AQP7B: variants seen among roughly 807,000 people sequenced by gnomAD.
AQP7B encodes putative aquaporin-7B.
the AQP7B span, among the ~76,000 whole-genome samples, chr2:94,599,321 TC>T: frequency 6.6e-6 from 1 of 152,004 alleles, no homozygotes; most frequent in African/African-American, 2.4e-5. Flanking sequence ...AGCTCTGGGC[TC>T]CCCTGCTTCT....
the AQP7B span, among the ~76,000 whole-genome samples, chr2:94,595,124 G>A: frequency 6.6e-6 from 1 of 152,014 alleles, no homozygotes; most frequent in Admixed American, 6.6e-5. Flanking sequence ...ATGGGGAGAA[G>A]GGAAACCCAG....
At chr2:94,604,594 C>G in the AQP7B span, 1 of 1,540,130 alleles carries the variant, frequency 6.5e-7, no homozygotes, top group Non-Finnish European at 8.8e-7. Context: ...TTTGTGATCC[C>G]ATCCCTTCCC....
chr2:94,591,088 G>T, the AQP7B span, among the ~76,000 whole-genome samples: 8 of 151,726 alleles, frequency 5.3e-5, no homozygotes, highest in Non-Finnish European at 8.8e-5. Flanking sequence ...TGGCTTTCTT[G>T]GGCCCCTCTT....
the AQP7B span, among the ~76,000 whole-genome samples, chr2:94,600,219 G>A: frequency 2.6e-5 from 4 of 152,056 alleles, no homozygotes; most frequent in South Asian, 2.1e-4. Flanking sequence ...CTCCTCTGAC[G>A]GCTTTGACTT....
the AQP7B span, among the ~76,000 whole-genome samples, chr2:94,592,572 C>T: frequency 1.3e-5 from 2 of 152,010 alleles, no homozygotes; most frequent in Non-Finnish European, 2.9e-5. Flanking sequence ...CAAGCAGCAG[C>T]CCAAAGACAG....
chr2:94,596,232 G>T, the AQP7B span, among the ~76,000 whole-genome samples: 4 of 152,248 alleles, frequency 2.6e-5, no homozygotes, highest in Non-Finnish European at 5.9e-5. Flanking sequence ...GTGTGTGATT[G>T]GGACAGTATC....
chr2:94,602,018 A>AGTGTGTGTGT, the AQP7B span, among the ~76,000 whole-genome samples: 991 of 139,928 alleles, frequency 7.1e-3, 9 homozygotes, highest in African/African-American at 0.014. Context: ...ATTGCGGCGG[A>AGTGTGTGTGT]GTGTGTGTGT....
chr2:94,604,334 G>C, the AQP7B span: 1 of 1,610,658 alleles, frequency 6.2e-7, no homozygotes, highest in Non-Finnish European at 8.5e-7. Flanking sequence ...ACCACTTCTG[G>C]GTGCCTCTCT....
the AQP7B span, among the ~76,000 whole-genome samples, chr2:94,599,881 T>C: frequency 6.6e-6 from 1 of 151,724 alleles, no homozygotes; most frequent in Non-Finnish European, 1.5e-5. Flanking sequence ...TTTTTTCTTT[T>C]TTTTTTCTTT....
At chr2:94,594,246 A>T in the AQP7B span, among the ~76,000 whole-genome samples, 2 of 152,216 alleles carry the variant, frequency 1.3e-5, no homozygotes, top group Non-Finnish European at 2.9e-5. Flanking sequence ...TGCTGTTTAC[A>T]GAGCTCGGCA....
the AQP7B span, among the ~76,000 whole-genome samples, chr2:94,593,815 A>T: frequency 4.6e-5 from 7 of 151,256 alleles, no homozygotes; most frequent in African/African-American, 1.5e-4. Context: ...CTCCAGTCCC[A>T]CCCCGCCACC....
chr2:94,604,503 G>A, the AQP7B span: 2 of 1,610,828 alleles, frequency 1.2e-6, no homozygotes, highest in Admixed American at 3.3e-5. Context: ...ATCTCCGTGA[G>A]CCTTGCCAAC....
At chr2:94,599,248 C>G in the AQP7B span, among the ~76,000 whole-genome samples, 1 of 152,092 alleles carries the variant, frequency 6.6e-6, no homozygotes, top group East Asian at 1.9e-4. Context: ...CTCACTCCCC[C>G]CGGCACCCCC....
At chr2:94,589,068 C>T in the AQP7B span, among the ~76,000 whole-genome samples, 1 of 151,384 alleles carries the variant, frequency 6.6e-6, no homozygotes, top group Non-Finnish European at 1.5e-5. Flanking sequence ...CTGCAACCTC[C>T]TTCTCCTGGG....
At chr2:94,589,362 A>G in the AQP7B span, among the ~76,000 whole-genome samples, 1 of 151,922 alleles carries the variant, frequency 6.6e-6, no homozygotes, top group Non-Finnish European at 1.5e-5. Flanking sequence ...TCTGGTGACT[A>G]TTCCCTCCAT....
At chr2:94,593,776 G>A in the AQP7B span, among the ~76,000 whole-genome samples, 13 of 151,878 alleles carry the variant, frequency 8.6e-5, no homozygotes, top group Non-Finnish European at 1.6e-4. Flanking sequence ...GTGAGCTACC[G>A]GGCCCAGCCC....
At chr2:94,592,073 C>T in the AQP7B span, among the ~76,000 whole-genome samples, 1 of 152,110 alleles carries the variant, frequency 6.6e-6, no homozygotes. Context: ...CTGTGTCTTG[C>T]CTGCTGTGTG....
the AQP7B span, among the ~76,000 whole-genome samples, chr2:94,594,305 C>T: frequency 6.6e-6 from 1 of 152,232 alleles, no homozygotes; most frequent in African/African-American, 2.4e-5. Context: ...TCACTGTTGC[C>T]AGGCCCTGGC....
At chr2:94,601,518 G>A in the AQP7B span, among the ~76,000 whole-genome samples, 1 of 152,200 alleles carries the variant, frequency 6.6e-6, no homozygotes, top group Non-Finnish European at 1.5e-5. Context: ...GGAAAATCAG[G>A]AGGTTGCTGG....
Sources: allele counts gnomAD v4.1 joint callset (sites outside exome capture counted in the v4.1 genomes callset), GRCh38; gene constraint gnomAD v4.1.1; transcripts MANE v1.5; gene names NCBI Gene and HGNC (gene_info 2026-07-23, HGNC 2026-07-21).